Variants in DMD observed in about 807,000 individuals in gnomAD.
The protein encoded by DMD is dystrophin.
DMD carries 63 observed loss-of-function variants against 330.1 expected under a neutral mutation model. The ratio of observed to expected loss-of-function variants is 0.19; its 90% CI spans 0.16 to 0.24. The LOEUF is 0.24. Ranked by LOEUF, DMD falls within the 10% of genes least tolerant of loss-of-function variation. DMD has a pLI of 1.00. For synonymous variants in DMD, 1,223 were observed against 959.8 expected (o/e 1.27, Z -5.07); for missense variants, 3,344 against 2,684.1 (o/e 1.25, Z -5.43).
chrX:32,906,869 G>A (rs1248119878), intron 2 of DMD, among the ~76,000 whole-genome samples: 3 of 111,169 alleles, frequency 2.7e-5, no homozygotes, highest in East Asian at 2.8e-4. Flanking sequence ...CAAATCAATC[G>A]GCCAAGCAAA....
At chrX:32,039,119 T>C (rs755856751) in intron 44 of DMD, among the ~76,000 whole-genome samples, 1 of 110,667 alleles carries the variant, frequency 9.0e-6, no homozygotes, top group South Asian at 3.9e-4. Flanking sequence ...CAATCCAATG[T>C]AAAGGAGGGG....
Position 31,120,739 on chromosome X carries a change from C to T in DMD, c.*1180G>A, listed in dbSNP as rs1175772642. The T allele has an allele frequency of 9.0e-6, 1 of 110,508 alleles. No homozygotes were observed. Among genetic ancestry groups the T allele is most frequent in the Admixed American group, 9.7e-5 (1 of 10,269 alleles). 9.1% of individuals were successfully genotyped at this position (110,508 alleles called of 1,213,427 possible). A position where few individuals can be genotyped will look rare whatever the true frequency, so the allele number is the denominator to read the frequency against. On this transcript the variant is annotated 3_prime_UTR_variant, in exon 79 of 79. Transcript: ENST00000357033. ...CATAGCCCTCCAGCCCTATCATCGT[C>T]CTGCTACTGCTTGGGAGTTAAAAAA... is the stretch of plus-strand genomic sequence containing the variant.
At chrX:32,166,989 G>C (rs1157711234) in intron 44 of DMD, among the ~76,000 whole-genome samples, 1 of 111,826 alleles carries the variant, frequency 8.9e-6, no homozygotes, top group Non-Finnish European at 1.9e-5. Flanking sequence ...AATCAATACA[G>C]ATAGTCCCTA....
At chrX:33,320,252 C>G (rs1473700711) in intron 1 of DMD, among the ~76,000 whole-genome samples, 1 of 111,593 alleles carries the variant, frequency 9.0e-6, no homozygotes, top group Non-Finnish European at 1.9e-5. Context: ...TGCCATACTT[C>G]TATGTGATGT....
intron 21 of DMD, among the ~76,000 whole-genome samples, chrX:32,472,776 T>C (rs2040799835): frequency 9.0e-6 from 1 of 111,187 alleles, no homozygotes; most frequent in African/African-American, 3.3e-5. Flanking sequence ...TTATATCATG[T>C]CATGTCTAAT....
At chrX:32,622,316 G>A (rs1313596164) in intron 11 of DMD, among the ~76,000 whole-genome samples, 2 of 111,425 alleles carry the variant, frequency 1.8e-5, no homozygotes, top group Non-Finnish European at 1.9e-5. Context: ...TAATAAGCAC[G>A]AAAACAAAAA....
chrX:31,284,608 T>TTCTTC (rs1331247957), intron 62 of DMD, among the ~76,000 whole-genome samples: 295 of 28,050 alleles, frequency 0.011, 1 homozygote, highest in Admixed American at 0.024. Context: ...TCTTCTTCTT[T>TTCTTC]TTTTTGGCAG....
chrX:33,196,610 C>T (rs188781527), intron 1 of DMD, among the ~76,000 whole-genome samples: 2 of 111,927 alleles, frequency 1.8e-5, no homozygotes, highest in African/African-American at 3.2e-5. Flanking sequence ...GAGTTATATA[C>T]ATTAGTTATT....
At chrX:32,190,887 T>C (rs979664877) in intron 44 of DMD, among the ~76,000 whole-genome samples, 2 of 109,319 alleles carry the variant, frequency 1.8e-5, no homozygotes, top group Non-Finnish European at 3.8e-5. Context: ...CCTTTAGGAT[T>C]TCCTGGTATC....
intron 29 of DMD, among the ~76,000 whole-genome samples, chrX:32,428,662 G>A (rs1262996952): frequency 9.0e-6 from 1 of 111,601 alleles, no homozygotes; most frequent in Non-Finnish European, 1.9e-5. Context: ...ACCCAGGCTG[G>A]AGTGGAGACT....
intron 55 of DMD, among the ~76,000 whole-genome samples, chrX:31,570,045 C>G (rs902024469): frequency 2.7e-5 from 3 of 110,985 alleles, no homozygotes; most frequent in Non-Finnish European, 5.7e-5. Flanking sequence ...AGTTTTTCCA[C>G]TCATGTCATT....
intron 18 of DMD, among the ~76,000 whole-genome samples, chrX:32,503,577 A>T (rs1732178899): frequency 9.0e-6 from 1 of 111,400 alleles, no homozygotes; most frequent in African/African-American, 3.3e-5. Context: ...TCTCTTTGAG[A>T]CAGAGTCTCA....
chrX:33,287,748 G>A (rs536144188), intron 1 of DMD, among the ~76,000 whole-genome samples: 10 of 111,308 alleles, frequency 9.0e-5, no homozygotes, highest in African/African-American at 3.3e-4. Context: ...CTCTAAACTG[G>A]GACACAATCA....
At chrX:31,182,672 G>C in intron 68 of DMD, 66 bp downstream of exon 68, 1 of 1,078,084 alleles carries the variant, frequency 9.3e-7, no homozygotes, top group Non-Finnish European at 1.3e-6. Flanking sequence ...GGAGATAAAA[G>C]ATCAAGTCAT....
chrX:33,248,605 A>G (rs975957031), intron 1 of DMD, among the ~76,000 whole-genome samples: 11 of 111,926 alleles, frequency 9.8e-5, no homozygotes, highest in Non-Finnish European at 2.1e-4. Context: ...GAATGTAGTT[A>G]TTAAAAAATA....
At chrX:31,138,161 A>G (rs1330142073) in intron 76 of DMD, among the ~76,000 whole-genome samples, 1 of 111,633 alleles carries the variant, frequency 9.0e-6, no homozygotes, top group East Asian at 2.8e-4. Flanking sequence ...TATGTGCACA[A>G]GAAGCATATG....
intron 30 of DMD, among the ~76,000 whole-genome samples, chrX:32,407,244 T>C (rs1412342780): frequency 2.7e-5 from 3 of 111,012 alleles, no homozygotes; most frequent in Non-Finnish European, 3.8e-5. Context: ...AGGGCTAATA[T>C]CCAGAATCTA....
rs1354008438 is a variant in DMD at position 31,138,666 on chromosome X, A to T, written c.10922-4472T>A. Among the ~76,000 whole-genome samples the T allele has an allele frequency of 6.5e-3, 195 of 29,912 alleles. 17 individuals carry two copies. Among genetic ancestry groups the T allele is most frequent in the Middle Eastern group, 0.054 (3 of 56 alleles). 26.0% of individuals were successfully genotyped at this position (29,912 alleles called of 115,157 possible). A position where few individuals can be genotyped will look rare whatever the true frequency, so the allele number is the denominator to read the frequency against. ...GAGAGAGAGAGAGAGAGAGAGAGAG[A>T]GAGAGAGAGAGAGAGAGAGAGAAGG... On this transcript the variant is annotated intron_variant, in intron 76 of 78. Transcript: ENST00000357033.
intron 4 of DMD, among the ~76,000 whole-genome samples, chrX:32,826,210 G>A (rs1218282358): frequency 1.8e-5 from 2 of 111,734 alleles, no homozygotes; most frequent in Non-Finnish European, 3.8e-5. Flanking sequence ...AAGATGTGGA[G>A]AAAAAGGAAT....
Sources: gnomAD v4.1 joint callset for allele counts (sites outside exome capture counted in the v4.1 genomes callset) on GRCh38, gnomAD v4.1.1 for gene constraint, MANE v1.5 for transcripts, NCBI Gene and HGNC (gene_info 2026-07-23, HGNC 2026-07-21) for gene names.